Variants in NRXN3 observed in about 807,000 individuals in gnomAD.
NRXN3 encodes the protein neurexin 3.
A neutral mutation model predicts 137.6 loss-of-function variants in NRXN3; 32 were observed. The observed-to-expected ratio is 0.23, with a 90% CI of 0.18 to 0.31. NRXN3 has a LOEUF of 0.31. NRXN3 is among the 10% of genes least tolerant of loss of function. The pLI is 1.00. For synonymous variants in NRXN3, 798 were observed against 784.5 expected, an observed-to-expected ratio of 1.02 and a Z score of -0.29; for missense variants, 1,574 against 2,062.5, an observed-to-expected ratio of 0.76 and a Z score of 4.59.
At chr14:78,560,357 A>G (rs930530063) in intron 4 of NRXN3, among the ~76,000 whole-genome samples, 2 of 152,186 alleles carry the variant, frequency 1.3e-5, no homozygotes, top group Non-Finnish European at 2.9e-5. Flanking sequence ...GGGATTGGGA[A>G]GGGAAATTTC....
chr14:78,530,232 C>T (rs2096441185), intron 4 of NRXN3, among the ~76,000 whole-genome samples: 1 of 152,174 alleles, frequency 6.6e-6, no homozygotes, highest in African/African-American at 2.4e-5. Flanking sequence ...CCAGAGTCAG[C>T]TTATTTGGAG....
At chr14:78,424,808 A>G (rs1372384709) in intron 4 of NRXN3, among the ~76,000 whole-genome samples, 1 of 152,232 alleles carries the variant, frequency 6.6e-6, no homozygotes, top group Non-Finnish European at 1.5e-5. Flanking sequence ...TCATTCCCAT[A>G]TCATCATTAT....
In NRXN3 at chr14:78,597,108, A is replaced by T. The variant is rs367643004; in HGVS notation, c.758-48012A>T. ...GGTTAGGAAAGATCCTGAGGGCATA[A>T]TCTGACCATCTGATCCAGGCCAGCA... is the stretch of plus-strand genomic sequence containing the variant. On this transcript the variant is annotated intron_variant, in intron 4 of 20. Coordinates refer to ENST00000335750, the MANE Select transcript of NRXN3 (RefSeq NM_001330195.2). Among the ~76,000 whole-genome samples the T allele has an allele frequency of 4.1e-4, 62 of 152,288 alleles. No homozygotes were observed. In the Middle Eastern group the frequency reaches 0.01, roughly 25 times the overall value.
intron 3 of NRXN3, among the ~76,000 whole-genome samples, chr14:78,293,146 C>A (rs1027447667): frequency 1.3e-5 from 2 of 151,768 alleles, no homozygotes; most frequent in African/African-American, 2.4e-5. Context: ...ACATTTATAT[C>A]TTAATGTTGA....
intron 4 of NRXN3, among the ~76,000 whole-genome samples, chr14:78,622,757 T>A (rs1340521878): frequency 6.6e-6 from 1 of 152,264 alleles, no homozygotes; most frequent in Non-Finnish European, 1.5e-5. Flanking sequence ...GTTGGCAAGA[T>A]CTGTGGGAGA....
intron 15 of NRXN3, among the ~76,000 whole-genome samples, chr14:79,048,058 T>C (rs2099635641): frequency 6.6e-6 from 1 of 151,530 alleles, no homozygotes; most frequent in Non-Finnish European, 1.5e-5. Flanking sequence ...CACAGTATAT[T>C]CCTATGATGG....
At chr14:78,908,378 C>T (rs1216348374) in intron 10 of NRXN3, among the ~76,000 whole-genome samples, 6 of 151,996 alleles carry the variant, frequency 3.9e-5, no homozygotes, top group Admixed American at 3.9e-4. Flanking sequence ...CTGATCCTAT[C>T]TTCATCTTGC....
intron 10 of NRXN3, among the ~76,000 whole-genome samples, chr14:78,862,377 G>T (rs1355224711): frequency 6.6e-6 from 1 of 152,050 alleles, no homozygotes; most frequent in Admixed American, 6.6e-5. Context: ...TATTACTAAT[G>T]ATAGATCTTT....
At chr14:78,278,704 T>G in intron 3 of NRXN3, 42 bp downstream of exon 3, 9 of 1,512,674 alleles carry the variant, frequency 5.9e-6, no homozygotes, top group Non-Finnish European at 8.0e-6. Flanking sequence ...GAATTTCCCC[T>G]CTGCTAGATT....
chr14:78,666,462 C>G (rs181447698), intron 6 of NRXN3, among the ~76,000 whole-genome samples: 3 of 152,292 alleles, frequency 2.0e-5, no homozygotes, highest in African/African-American at 4.8e-5. Flanking sequence ...AGGGTGGGTG[C>G]AGTGTGCTAA....
chr14:78,711,434 CTTTTTTTTTTTT>C (rs35251417), intron 7 of NRXN3, among the ~76,000 whole-genome samples: 1 of 99,088 alleles, frequency 1.0e-5, no homozygotes, highest in Non-Finnish European at 1.9e-5. Context: ...ATTCTTTTCT[CTTTTTTTTTTTT>C]TTTTTTTTTT....
chr14:78,374,702 G>A (rs967935084), intron 4 of NRXN3, among the ~76,000 whole-genome samples: 3 of 150,436 alleles, frequency 2.0e-5, no homozygotes, highest in African/African-American at 2.5e-5. Flanking sequence ...CCTGGGAGCC[G>A]GAGGTAGCAG....
At chr14:79,368,967 C>T (rs1002879557) in intron 15 of NRXN3, among the ~76,000 whole-genome samples, 6 of 152,188 alleles carry the variant, frequency 3.9e-5, no homozygotes, top group African/African-American at 7.2e-5. Context: ...TCTATTCAGT[C>T]ACATTCAAAC....
At chr14:79,768,973 A>G (rs2099066709) in intron 19 of NRXN3, among the ~76,000 whole-genome samples, 1 of 151,796 alleles carries the variant, frequency 6.6e-6, no homozygotes, top group Non-Finnish European at 1.5e-5. Context: ...CTACGTGAAG[A>G]ACGCAGAAGC....
At chr14:78,819,976 A>C (rs1262045298) in intron 10 of NRXN3, among the ~76,000 whole-genome samples, 1 of 152,124 alleles carries the variant, frequency 6.6e-6, no homozygotes, top group Non-Finnish European at 1.5e-5. Flanking sequence ...GGAGCTCCTG[A>C]GCCACTTTTG....
intron 10 of NRXN3, among the ~76,000 whole-genome samples, chr14:78,907,441 G>A (rs543605843): frequency 6.6e-6 from 1 of 152,098 alleles, no homozygotes; most frequent in East Asian, 1.9e-4. Context: ...ATTATGTAAT[G>A]TTAACAAATG....
At chr14:78,174,010 C>A (rs551247671) in intron 1 of NRXN3, among the ~76,000 whole-genome samples, 1 of 152,076 alleles carries the variant, frequency 6.6e-6, no homozygotes, top group Non-Finnish European at 1.5e-5. Flanking sequence ...TCTTTCTTCT[C>A]GCCATTATTC....
chr14:79,169,522 G>A (rs2061584063), intron 15 of NRXN3, among the ~76,000 whole-genome samples: 1 of 152,056 alleles, frequency 6.6e-6, no homozygotes, highest in African/African-American at 2.4e-5. Context: ...CTGCCTCAGA[G>A]TTGATAATAC....
At chr14:79,210,576 A>G (rs1207542320) in intron 15 of NRXN3, among the ~76,000 whole-genome samples, 1 of 152,182 alleles carries the variant, frequency 6.6e-6, no homozygotes, top group Non-Finnish European at 1.5e-5. Flanking sequence ...GCTTGAATTT[A>G]TGAGATATTA....
Sources: gnomAD v4.1 joint callset for allele counts (sites outside exome capture counted in the v4.1 genomes callset) on GRCh38, gnomAD v4.1.1 for gene constraint, MANE v1.5 for transcripts, NCBI Gene and HGNC (gene_info 2026-07-23, HGNC 2026-07-21) for gene names.